The following GRID1 variants were observed in gnomAD, a reference collection of about 807,000 sequenced individuals.
GRID1 encodes glutamate receptor ionotropic, delta-1.
In GRID1, 28 loss-of-function variants were observed where a neutral mutation model predicts 98.0. The observed-to-expected ratio is 0.29, with a 90% CI of 0.21 to 0.39. The LOEUF is 0.39. Among genes scored for constraint, GRID1 ranks in the 10% least tolerant of loss-of-function variants. The pLI, the probability that GRID1 is intolerant of heterozygous loss-of-function variation, is 1.00. For missense variants in GRID1, 1,111 were observed against 1,340.5 expected, an observed-to-expected ratio of 0.83 and a Z score of 2.67; for synonymous variants, 553 against 538.5, an observed-to-expected ratio of 1.03 and a Z score of -0.37.
intron 4 of GRID1, among the ~76,000 whole-genome samples, chr10:85,947,096 C>T (rs974357510): frequency 6.6e-6 from 1 of 152,188 alleles, no homozygotes. Flanking sequence ...CAGAGAGGCT[C>T]CTCCAGGAGA....
At chr10:86,321,142 A>C (rs544761700) in intron 2 of GRID1, among the ~76,000 whole-genome samples, 1 of 151,734 alleles carries the variant, frequency 6.6e-6, no homozygotes, top group Non-Finnish European at 1.5e-5. Flanking sequence ...TGTTGGGAAG[A>C]AAAAGGAAAC....
At chr10:86,201,326 C>T (rs1772224184) in intron 3 of GRID1, among the ~76,000 whole-genome samples, 1 of 152,116 alleles carries the variant, frequency 6.6e-6, no homozygotes, top group African/African-American at 2.4e-5. Flanking sequence ...AGTGTTATTC[C>T]ACATATATGA....
intron 4 of GRID1, among the ~76,000 whole-genome samples, chr10:86,106,367 G>A (rs995539176): frequency 2.0e-5 from 3 of 152,112 alleles, no homozygotes; most frequent in Non-Finnish European, 2.9e-5. Context: ...AGGATGTTAG[G>A]TCAAAAAAGC....
chr10:85,613,614 A>C lies in GRID1; in HGVS notation c.2394T>G (p.Asp798Glu), dbSNP rs1399628552. Reference protein sequence around the residue: ...ILELQDTGDLDVLKQKWWPHM... With the variant: ...ILELQDTGDLEVLKQKWWPHM... ...GCGGCCACCACTTCTGCTTCAGCAC[A>C]TCCAGGTCCCCTGTGTCCTGCAGCT... The change falls in exon 15 of 16, where the codon GAT (aspartate) becomes GAG (glutamate). Residue 798 changes from aspartate to glutamate, a missense_variant. Physicochemically the swap from Asp to Glu is conservative, Grantham distance 45. Coordinates refer to ENST00000327946, the MANE Select transcript of GRID1 (RefSeq NM_017551.3). 6.2e-7 allele frequency: 1 copy of C among 1,613,996 alleles called. No homozygotes were observed. Among genetic ancestry groups the C allele is most frequent in the African/African-American group, 1.3e-5 (1 of 74,934 alleles).
chr10:85,963,480 C>T (rs1842297148), intron 4 of GRID1, among the ~76,000 whole-genome samples: 1 of 152,154 alleles, frequency 6.6e-6, no homozygotes, highest in Admixed American at 6.5e-5. Context: ...ACAAGTCAGA[C>T]TTGTGCTCAA....
At position 86,195,470 on chromosome 10, in the gene GRID1, A is replaced by G. The variant is rs1243457470; in HGVS notation, c.520+10894T>C. ...CTTTCTTAACCTCAGTGTCTCTCTAAGAAGACATTAGAAGCCTCTGCAAAT... is the reference window on the plus strand; with the variant it reads ...CTTTCTTAACCTCAGTGTCTCTCTAGGAAGACATTAGAAGCCTCTGCAAAT... On this transcript the variant is annotated intron_variant, in intron 3 of 15. Coordinates refer to ENST00000327946, the MANE Select transcript of GRID1 (RefSeq NM_017551.3). The surrounding 1 kb of genome is among the most constrained non-coding windows in gnomAD (Gnocchi z 4.4). Among the ~76,000 whole-genome samples, 2 of 152,108 alleles carry G rather than the reference A, an allele frequency of 1.3e-5. No homozygotes were observed. Among genetic ancestry groups the G allele is most frequent in the Non-Finnish European group, 2.9e-5 (2 of 67,966 alleles).
chr10:86,088,751 T>A (rs1844100877), intron 4 of GRID1, among the ~76,000 whole-genome samples: 1 of 152,126 alleles, frequency 6.6e-6, no homozygotes, highest in Non-Finnish European at 1.5e-5. Flanking sequence ...TGGGGATTAT[T>A]CAATGAAGAG....
chr10:85,608,552 T>C (rs1359760836), intron 15 of GRID1, among the ~76,000 whole-genome samples: 1 of 152,206 alleles, frequency 6.6e-6, no homozygotes, highest in African/African-American at 2.4e-5. Flanking sequence ...AAAGCATCTA[T>C]CTTGGTCCCT....
chr10:86,318,495 G>C (rs530476265), intron 2 of GRID1, among the ~76,000 whole-genome samples: 92 of 152,316 alleles, frequency 6.0e-4, no homozygotes, highest in Middle Eastern at 3.4e-3. Context: ...TGGGAGTAAA[G>C]CTCAGATTGC....
At chr10:86,119,266 C>T (rs1482289426) in intron 4 of GRID1, among the ~76,000 whole-genome samples, 1 of 152,100 alleles carries the variant, frequency 6.6e-6, no homozygotes, top group African/African-American at 2.4e-5. Flanking sequence ...GCCTTGGAGG[C>T]AGAGGTTGCA....
chr10:85,791,422 G>A (rs1842478603), intron 8 of GRID1, among the ~76,000 whole-genome samples: 1 of 152,286 alleles, frequency 6.6e-6, no homozygotes, highest in East Asian at 1.9e-4. Flanking sequence ...CCAGGACAAA[G>A]TGAATCAAAA....
At chr10:85,988,187 A>C (rs1021492207) in intron 4 of GRID1, among the ~76,000 whole-genome samples, 3 of 151,630 alleles carry the variant, frequency 2.0e-5, no homozygotes, top group Non-Finnish European at 4.4e-5. Context: ...CCCACTCCCC[A>C]CTACTCTCCC....
intron 8 of GRID1, among the ~76,000 whole-genome samples, chr10:85,772,324 T>C (rs918683231): frequency 6.6e-6 from 1 of 151,814 alleles, no homozygotes; most frequent in Non-Finnish European, 1.5e-5. Context: ...TTCAAAGCAG[T>C]GTGTAGAGGG....
At chr10:85,639,126 A>G (rs1010209337) in intron 13 of GRID1, among the ~76,000 whole-genome samples, 9 of 152,360 alleles carry the variant, frequency 5.9e-5, no homozygotes, top group African/African-American at 2.2e-4. Flanking sequence ...AATATTGTTC[A>G]TATTGTCATA....
In GRID1 at chr10:85,602,693, T is replaced by C. The variant is rs1253328192; in HGVS notation, c.2610A>G (p.Glu870=). The change falls in exon 16 of 16, where the codon GAA becomes GAG. Residue 870 remains glutamate (E), a synonymous_variant. Coordinates refer to ENST00000327946, the MANE Select transcript of GRID1 (RefSeq NM_017551.3). ...CHQETPKEDK[E]VNLEQVHRRM... is the part of the protein sequence containing the mutation. ...GCCGGTGGACCTGCTCCAAGTTCAC[T>C]TCTTTGTCCTGGAGGGAAGGCATAG... 32 of 1,610,664 alleles carry C rather than the reference T, an allele frequency of 2.0e-5. No individual in the cohort carries two copies. The highest frequency in any genetic ancestry group is 2.6e-5 in the Non-Finnish European group (31 of 1,178,122).
chr10:86,048,402 C>T (rs1232196686), intron 4 of GRID1, among the ~76,000 whole-genome samples: 2 of 152,102 alleles, frequency 1.3e-5, no homozygotes, highest in African/African-American at 4.8e-5. Flanking sequence ...ACAGAGGCCT[C>T]TAAGAGAAGA....
intron 4 of GRID1, among the ~76,000 whole-genome samples, chr10:86,001,224 A>C (rs546788457): frequency 6.6e-6 from 1 of 152,298 alleles, no homozygotes; most frequent in Admixed American, 6.5e-5. Context: ...GGATAATATA[A>C]GGAAATTTTT....
chr10:86,291,849 G>A (rs1847517787), intron 2 of GRID1, among the ~76,000 whole-genome samples: 1 of 152,210 alleles, frequency 6.6e-6, no homozygotes, highest in Admixed American at 6.5e-5. Flanking sequence ...GGGGGCAGGT[G>A]GCAGCAATTC....
chr10:85,713,644 A>AG (rs937176084), intron 12 of GRID1, among the ~76,000 whole-genome samples: 3 of 151,376 alleles, frequency 2.0e-5, no homozygotes, highest in Non-Finnish European at 4.4e-5. Flanking sequence ...AAAAAAAAAA[A>AG]ACATATCCCA....
Sources: gnomAD v4.1 joint callset for allele counts (sites outside exome capture counted in the v4.1 genomes callset) on GRCh38, gnomAD v4.1.1 for gene constraint, Gnocchi (gnomAD v3.1) non-coding constraint, MANE v1.5 for transcripts, NCBI Gene and HGNC (gene_info 2026-07-23, HGNC 2026-07-21) for gene names.